Variants in ARHGAP15 observed in about 807,000 individuals in gnomAD.
ARHGAP15 encodes Rho GTPase activating protein 15.
Under a neutral mutation model 63.7 loss-of-function variants are expected in ARHGAP15, and 51 were observed. That is an observed-to-expected ratio of 0.80 (90% CI 0.64 to 1.01). The LOEUF is 1.01. ARHGAP15 is among the 50% of genes least tolerant of loss of function. The pLI is 0.00. For synonymous variants in ARHGAP15, 191 were observed against 193.8 expected (o/e 0.99, Z 0.12); for missense variants, 560 against 564.6 (o/e 0.99, Z 0.08).
At chr2:143,273,926 TTTTTTTTCTGGAA>T (rs1681421214) in intron 6 of ARHGAP15, among the ~76,000 whole-genome samples, 1 of 151,924 alleles carries the variant, frequency 6.6e-6, no homozygotes, top group South Asian at 2.1e-4. Flanking sequence ...ATATTTTGTA[TTTTTTTTCTGGAA>T]TTCTAACAAC....
intron 1 of ARHGAP15, among the ~76,000 whole-genome samples, chr2:143,134,131 CT>C (rs1312611832): frequency 9.7e-5 from 3 of 30,818 alleles, no homozygotes; most frequent in Non-Finnish European, 3.8e-4. Context: ...ATCTATCTAT[CT>C]ATCTATCTAT....
chr2:143,761,586 A>T (rs1686761344), intron 13 of ARHGAP15, among the ~76,000 whole-genome samples: 1 of 152,152 alleles, frequency 6.6e-6, no homozygotes, highest in Non-Finnish European at 1.5e-5. Flanking sequence ...TTAATTCAGC[A>T]TTAATTTTTG....
At chr2:143,312,811 G>A (rs565551564) in intron 6 of ARHGAP15, among the ~76,000 whole-genome samples, 2 of 152,260 alleles carry the variant, frequency 1.3e-5, no homozygotes, top group South Asian at 4.1e-4. Context: ...AAGAGTTTCT[G>A]TGTGAAATTG....
At chr2:143,185,399 T>G (rs1691400795) in intron 2 of ARHGAP15, among the ~76,000 whole-genome samples, 1 of 152,100 alleles carries the variant, frequency 6.6e-6, no homozygotes, top group South Asian at 2.1e-4. Flanking sequence ...TTCAAACTTT[T>G]GGTTCTCTGA....
intron 5 of ARHGAP15, among the ~76,000 whole-genome samples, chr2:143,246,975 T>C (rs1312171542): frequency 2.0e-5 from 3 of 152,088 alleles, no homozygotes; most frequent in East Asian, 3.9e-4. Context: ...CCAGGTACTG[T>C]GGAATTTGCC....
intron 6 of ARHGAP15, among the ~76,000 whole-genome samples, chr2:143,394,515 T>A (rs568322882): frequency 6.6e-6 from 1 of 152,314 alleles, no homozygotes; most frequent in South Asian, 2.1e-4. Context: ...CCCAGAGGGA[T>A]CTTTTAATGG....
At chr2:143,384,790 T>TTCTGCC (rs1013120156) in intron 6 of ARHGAP15, among the ~76,000 whole-genome samples, 20 of 152,304 alleles carry the variant, frequency 1.3e-4, no homozygotes, top group African/African-American at 4.8e-4. Context: ...GGCCATCTAT[T>TTCTGCC]TCTGCCTCTG....
intron 12 of ARHGAP15, among the ~76,000 whole-genome samples, chr2:143,664,591 G>A (rs1156731878): frequency 3.3e-5 from 5 of 150,858 alleles, no homozygotes; most frequent in Admixed American, 2.0e-4. Context: ...AGGAAATAGA[G>A]ACACAAAAAA....
chr2:143,591,614 C>CTTTTTTTTTTTTTTTTTTTTTT (rs67060048), intron 11 of ARHGAP15, among the ~76,000 whole-genome samples: 1 of 124,108 alleles, frequency 8.1e-6, no homozygotes. Context: ...TTTGTTTGTT[C>CTTTTTTTTTTTTTTTTTTTTTT]TTTTTTTTTT....
At chr2:143,195,809 G>A (rs890703220) in intron 2 of ARHGAP15, among the ~76,000 whole-genome samples, 2 of 151,974 alleles carry the variant, frequency 1.3e-5, no homozygotes, top group Non-Finnish European at 2.9e-5. Flanking sequence ...ATCAAAAATG[G>A]GAATCTATTT....
intron 1 of ARHGAP15, among the ~76,000 whole-genome samples, chr2:143,137,981 C>A (rs577314930): frequency 1.3e-5 from 2 of 152,128 alleles, no homozygotes; most frequent in East Asian, 3.9e-4. Context: ...TAAAGTAGAA[C>A]ATTAAAGGAA....
At chr2:143,168,469 A>G (rs983224479) in intron 2 of ARHGAP15, among the ~76,000 whole-genome samples, 1 of 152,106 alleles carries the variant, frequency 6.6e-6, no homozygotes, top group African/African-American at 2.4e-5. Flanking sequence ...CTCAGCCACC[A>G]TGACTGGTCC....
chr2:143,325,274 C>T (rs1381681917), intron 6 of ARHGAP15, among the ~76,000 whole-genome samples: 1 of 152,104 alleles, frequency 6.6e-6, no homozygotes, highest in Non-Finnish European at 1.5e-5. Context: ...TAATCAGTTA[C>T]CATAGTTCAG....
chr2:143,428,608 A>C (rs952318752), intron 6 of ARHGAP15, among the ~76,000 whole-genome samples: 1 of 152,070 alleles, frequency 6.6e-6, no homozygotes, highest in Non-Finnish European at 1.5e-5. Flanking sequence ...TTTCATAATA[A>C]TATACATGAT....
chr2:143,342,921 TAAC>T (rs1685123759), intron 6 of ARHGAP15, among the ~76,000 whole-genome samples: 1 of 152,098 alleles, frequency 6.6e-6, no homozygotes, highest in Non-Finnish European at 1.5e-5. Flanking sequence ...TGTAAGAACT[TAAC>T]ACTACCTAAC....
rs199812960 is a variant in ARHGAP15, at chr2:143,678,359, CAAG to C, written c.1139-25059_1139-25057del. Reference sequence around the variant, plus strand: ...TTGAGAAAGCCAAAATAAATACTAGCAAGTAGTTTTTGAAATTTTCTTGTCAAT... The same window carrying C: ...TTGAGAAAGCCAAAATAAATACTAGCTAGTTTTTGAAATTTTCTTGTCAAT... On this transcript the variant is annotated intron_variant, in intron 12 of 13. Transcript: ENST00000295095. Among the ~76,000 whole-genome samples, 3 of 152,130 alleles carry C rather than the reference CAAG, an allele frequency of 2.0e-5. No individual in the cohort carries two copies. The East Asian group carries it at 5.8e-4, about 29-fold the overall frequency.
At chr2:143,606,970 T>C (rs1490762538) in intron 11 of ARHGAP15, 4 of 152,270 alleles carry the variant, frequency 2.6e-5, no homozygotes, top group African/African-American at 4.8e-5. Flanking sequence ...ACATTTGATA[T>C]AATGCAACAG....
At chr2:143,282,837 T>G (rs1681917501) in intron 6 of ARHGAP15, among the ~76,000 whole-genome samples, 1 of 152,180 alleles carries the variant, frequency 6.6e-6, no homozygotes, top group African/African-American at 2.4e-5. Flanking sequence ...TTAGCCCTTT[T>G]CTGGTTAGGC....
intron 6 of ARHGAP15, among the ~76,000 whole-genome samples, chr2:143,302,957 A>T (rs984889579): frequency 6.6e-6 from 1 of 152,062 alleles, no homozygotes; most frequent in Non-Finnish European, 1.5e-5. Flanking sequence ...GGCTACTAGA[A>T]TCACTTTCTA....
Sources: allele counts gnomAD v4.1 joint callset (sites outside exome capture counted in the v4.1 genomes callset), GRCh38; gene constraint gnomAD v4.1.1; transcripts MANE v1.5; gene names NCBI Gene and HGNC (gene_info 2026-07-23, HGNC 2026-07-21).